Variants in TMC5 observed in about 807,000 individuals in gnomAD.
TMC5 encodes transmembrane channel like 5.
A neutral mutation model predicts 110.5 loss-of-function variants in TMC5; 86 were observed. The ratio of observed to expected loss-of-function variants is 0.78; its 90% CI spans 0.65 to 0.93. The LOEUF (loss-of-function observed/expected upper bound fraction) is 0.93. Ranked by LOEUF, TMC5 falls within the 40% of genes least tolerant of loss-of-function variation. The pLI is 0.00. For synonymous variants in TMC5, 455 were observed against 439.5 expected (o/e 1.04, Z -0.44); for missense variants, 1,144 against 1,222.8 (o/e 0.94, Z 0.96).
chr16:19,432,143 A>G (rs1373070519), intron 2 of TMC5, among the ~76,000 whole-genome samples: 1 of 152,164 alleles, frequency 6.6e-6, no homozygotes, highest in Non-Finnish European at 1.5e-5. Flanking sequence ...GACCTCATCC[A>G]TATTCTAGGA....
chr16:19,474,097 C>A, intron 11 of TMC5, 28 bp from the exon 12 acceptor site: 1 of 1,608,914 alleles, frequency 6.2e-7, no homozygotes. Flanking sequence ...ACAAGTCAGC[C>A]CTCCGTTCTC....
intron 2 of TMC5, among the ~76,000 whole-genome samples, chr16:19,434,493 T>TAGATAGATAGATAG (rs370261560): frequency 7.5e-6 from 1 of 133,568 alleles, no homozygotes; most frequent in Non-Finnish European, 1.5e-5. Context: ...GATAGATAGA[T>TAGATAGATAGATAG]ATAGAGAGAG....
At chr16:19,428,729 GA>G (rs1415702905) in intron 1 of TMC5, among the ~76,000 whole-genome samples, 2 of 152,090 alleles carry the variant, frequency 1.3e-5, no homozygotes, top group Admixed American at 1.3e-4. Context: ...TAAATATCTT[GA>G]AAACTTAGTA....
At chr16:19,494,235 T>A (rs1968991196) in intron 19 of TMC5, 27 bp from the exon 20 acceptor site, 3 of 1,577,276 alleles carry the variant, frequency 1.9e-6, no homozygotes, top group Non-Finnish European at 2.6e-6. Context: ...TTTTGTTTCT[T>A]TCTGGTTTTG....
Position 19,490,483 on chromosome 16 carries a change from C to G in TMC5, c.2662C>G (p.Arg888Gly). 1.2e-6 allele frequency: 2 copies of G among 1,614,142 alleles called. No individual in the cohort carries two copies. Among genetic ancestry groups the G allele is most frequent in the South Asian group, 1.1e-5 (1 of 91,084 alleles). ...CAGCTGGATCGACACCCTAAGTACA[C>G]GGCCTGGCTACCTGTGGGTTGTTTG... ...IYSWIDTLST[R>G]PGYLWVVWIY... The change falls in exon 18 of 22, where the codon CGG becomes GGG. Residue 888 changes from arginine to glycine, a missense_variant. By Grantham distance (125) the Arg-to-Gly change is moderately radical. Transcript: ENST00000542583.
intron 2 of TMC5, among the ~76,000 whole-genome samples, chr16:19,434,036 TATATATATAATATATATA>T (rs1178765862): frequency 2.5e-3 from 16 of 6,414 alleles, no homozygotes; most frequent in East Asian, 8.5e-3. Flanking sequence ...ATCTATATAT[TATATATATAATATATATA>T]ATATAAATCT....
rs565179467 is a variant in TMC5 at position 19,455,041 on chromosome 16, A to AG, written c.1049-5192dup. 6.6e-5 allele frequency among the ~76,000 whole-genome samples: 10 copies of AG among 152,304 alleles called. No individual in the cohort carries two copies. The East Asian group carries it at 1.7e-3, about 26-fold the overall frequency. On this transcript the variant is annotated intron_variant, in intron 5 of 21. Transcript: ENST00000542583. ...TCCCAGATACTCAGGAGGCTGAAGC[A>AG]GGAGGATTACTTGATCCCAGGAGGT...
chr16:19,447,430 G>T (rs2143500215), intron 4 of TMC5, among the ~76,000 whole-genome samples: 1 of 152,210 alleles, frequency 6.6e-6, no homozygotes, highest in East Asian at 1.9e-4. Context: ...GTCAAGGTAG[G>T]GGAAATGTAA....
intron 4 of TMC5, among the ~76,000 whole-genome samples, chr16:19,445,972 A>G (rs1215494746): frequency 6.6e-6 from 1 of 151,038 alleles, no homozygotes; most frequent in African/African-American, 2.4e-5. Context: ...CCATGACTGT[A>G]CCACTGCACT....
intron 5 of TMC5, among the ~76,000 whole-genome samples, chr16:19,449,880 G>A (rs1054061827): frequency 8.6e-5 from 13 of 152,042 alleles, no homozygotes; most frequent in Non-Finnish European, 1.5e-4. Flanking sequence ...CTTCCACCAC[G>A]TTTGTAAGTT....
chr16:19,451,197 T>C (rs1967741876), intron 5 of TMC5, among the ~76,000 whole-genome samples: 1 of 152,042 alleles, frequency 6.6e-6, no homozygotes, highest in Non-Finnish European at 1.5e-5. Context: ...TAGGGAGTGC[T>C]GGAGCCACAA....
Position 19,440,341 on chromosome 16 carries a change from T to A in TMC5, c.303T>A (p.His101Gln). The A allele has an allele frequency of 1.9e-6, 3 of 1,614,042 alleles. No homozygotes were observed. The highest frequency in any genetic ancestry group is 2.5e-6 in the Non-Finnish European group (3 of 1,180,012). Residue 101 changes from histidine (H) to glutamine (Q), a missense_variant, in exon 3 of 22, where the codon CAT becomes CAA. His to Gln is a conservative substitution (Grantham distance 24). Transcript: ENST00000542583. ...YSAASRTSPD[H>Q]PTSLPEPDYS... ...CAGCCTCTAGAACAAGCCCAGACCATCCTACCTCTCTACCAGAGCCAGATT... is the reference window on the plus strand; with the variant it reads ...CAGCCTCTAGAACAAGCCCAGACCAACCTACCTCTCTACCAGAGCCAGATT...
chr16:19,496,882 T>A (rs1318754977), intron 20 of TMC5, among the ~76,000 whole-genome samples: 2 of 78,440 alleles, frequency 2.5e-5, no homozygotes, highest in African/African-American at 1.3e-4. Flanking sequence ...AAAGCAAGAC[T>A]CTGTCAAAAA....
intron 2 of TMC5, among the ~76,000 whole-genome samples, chr16:19,430,860 A>ATTTT (rs3049240): frequency 0.015 from 2,005 of 131,246 alleles, 89 homozygotes; most frequent in African/African-American, 0.049. Flanking sequence ...AATAAAAACA[A>ATTTT]TTTTTTTTTT....
At chr16:19,494,721 T>C (rs7499214) in intron 20 of TMC5, among the ~76,000 whole-genome samples, 96,588 of 151,882 alleles carry the variant, frequency 0.64, 32,265 homozygotes, top group South Asian at 0.77. Flanking sequence ...GCAGAAGAAT[T>C]GCTTGAACCC....
chr16:19,477,380 T>A (rs1968514588), intron 12 of TMC5, 60 bp from the exon 13 acceptor site: 1 of 1,302,626 alleles, frequency 7.7e-7, no homozygotes, highest in Non-Finnish European at 1.1e-6. Flanking sequence ...AGGAGCTATT[T>A]GCAGACAGAA....
intron 18 of TMC5, among the ~76,000 whole-genome samples, chr16:19,490,921 CT>C (rs1968883243): frequency 8.4e-6 from 1 of 119,670 alleles, no homozygotes; most frequent in Non-Finnish European, 1.7e-5. Flanking sequence ...CCTTCCCCTT[CT>C]TTCTCCCTTC....
Position 19,490,593 on chromosome 16 carries a change from A to G in TMC5, c.2747+25A>G, listed in dbSNP as rs571422008. ...TGTGAGTGTGGTACCCGGGGAATCTAGCAGGGAAAGCCAGGAGCTCTCGAG... is the reference window on the plus strand; with the variant it reads ...TGTGAGTGTGGTACCCGGGGAATCTGGCAGGGAAAGCCAGGAGCTCTCGAG... On this transcript the variant is annotated intron_variant, in intron 18 of 21. Coordinates refer to ENST00000542583, the MANE Select transcript of TMC5 (RefSeq NM_001261841.2). 5.6e-6 allele frequency: 9 copies of G among 1,613,440 alleles called. No homozygotes were observed. The African/African-American group carries it at 9.3e-5, about 17-fold the overall frequency.
intron 4 of TMC5, among the ~76,000 whole-genome samples, chr16:19,445,626 T>G (rs1967597413): frequency 1.3e-5 from 2 of 150,616 alleles, no homozygotes; most frequent in Non-Finnish European, 3.0e-5. Flanking sequence ...ATCCAGGCCA[T>G]GTTAAAGGAA....
Sources: allele counts gnomAD v4.1 joint callset (sites outside exome capture counted in the v4.1 genomes callset), GRCh38; gene constraint gnomAD v4.1.1; transcripts MANE v1.5; gene names NCBI Gene and HGNC (gene_info 2026-07-23, HGNC 2026-07-21).